HSPBP1: variants seen among roughly 807,000 people sequenced by gnomAD.
HSPBP1 encodes the protein HSPA (Hsp70) binding protein 1, also known as hsp70-binding protein 1.
Under a neutral mutation model 41.7 loss-of-function variants are expected in HSPBP1, and 31 were observed. The observed-to-expected ratio is 0.74, with a 90% CI of 0.56 to 1.00. HSPBP1 has a LOEUF of 1.00. Ranked by LOEUF, HSPBP1 falls within the 50% of genes least tolerant of loss-of-function variation. The pLI is 0.00. For synonymous variants in HSPBP1, 199 were observed against 214.4 expected (o/e 0.93, Z 0.63); for missense variants, 439 against 487.9 (o/e 0.90, Z 0.94).
At chr19:55,275,338 C>T (rs747740043) in intron 3 of HSPBP1, among the ~76,000 whole-genome samples, 29 of 152,134 alleles carry the variant, frequency 1.9e-4, no homozygotes, top group Non-Finnish European at 3.4e-4. Context: ...CCAGCAATTC[C>T]GCACCAAGGC....
intron 4 of HSPBP1, among the ~76,000 whole-genome samples, chr19:55,271,214 G>T (rs115458862): frequency 0.01 from 1,571 of 151,900 alleles, 19 homozygotes; most frequent in African/African-American, 0.03. Context: ...AATATGTAAT[G>T]ACTTTTTTTT....
At chr19:55,271,172 T>G (rs1388119124) in intron 4 of HSPBP1, among the ~76,000 whole-genome samples, 2 of 152,048 alleles carry the variant, frequency 1.3e-5, no homozygotes, top group African/African-American at 2.4e-5. Context: ...TTGTACCTGG[T>G]GAACGATGTG....
chr19:55,265,210 C>G, intron 7 of HSPBP1, 68 bp downstream of exon 7: 1 of 1,030,796 alleles, frequency 9.7e-7, no homozygotes, highest in Non-Finnish European at 1.4e-6. Flanking sequence ...ACACCTAGTC[C>G]TCCTGGAGCC....
rs67113555 is a variant in HSPBP1 at position 55,270,456 on chromosome 19, A to T, written c.640+3942T>A. Among the ~76,000 whole-genome samples the T allele has an allele frequency of 0.26, 39,026 of 152,008 alleles. 5,252 individuals carry two copies. The highest frequency in any genetic ancestry group is 0.32 in the Middle Eastern group (93 of 294). On this transcript the variant is annotated intron_variant, in intron 4 of 7. Coordinates refer to ENST00000433386, the MANE Select transcript of HSPBP1 (RefSeq NM_012267.5). The surrounding 1 kb of genome is among the most constrained non-coding windows in gnomAD (Gnocchi z 5.4). ...GAGGCCCGGCTGACGGCTGACCACA[A>T]CCTCATGCAACCTCATGCAACCTCA...
At chr19:55,273,125 A>C (rs1250007428) in intron 4 of HSPBP1, among the ~76,000 whole-genome samples, 1 of 152,044 alleles carries the variant, frequency 6.6e-6, no homozygotes, top group Non-Finnish European at 1.5e-5. Context: ...GAGTAGATGG[A>C]GGTACAGTCA....
chr19:55,277,925 CAACAA>C, intron 2 of HSPBP1, 79 bp from the exon 3 acceptor site: 6 of 1,190,620 alleles, frequency 5.0e-6, no homozygotes, highest in Non-Finnish European at 6.9e-6. Flanking sequence ...TAAAGACAGC[CAACAA>C]CTGAGGGCTG....
chr19:55,266,332 CACT>C (rs1208787467), intron 4 of HSPBP1, 46 bp from the exon 5 acceptor site: 5 of 1,521,910 alleles, frequency 3.3e-6, no homozygotes, highest in Non-Finnish European at 4.4e-6. Context: ...CCACCACCAC[CACT>C]GTCATCACAA....
chr19:55,279,379 C>T lies in HSPBP1; in HGVS notation c.210+20G>A, dbSNP rs766234547. ...GTCCCCAGGCCCCTCACCCCAGCTT[C>T]TTGGGTCCCCATCCTTTACCTCCTC... On this transcript the variant is annotated intron_variant, in intron 2 of 7. Coordinates refer to ENST00000433386, the MANE Select transcript of HSPBP1 (RefSeq NM_012267.5). 7.0e-6 allele frequency: 11 copies of T among 1,576,744 alleles called. No individual in the cohort carries two copies. In the South Asian group the frequency reaches 1.1e-4, roughly 15 times the overall value.
chr19:55,265,828 C>T, intron 6 of HSPBP1, 58 bp downstream of exon 6: 1 of 1,177,212 alleles, frequency 8.5e-7, no homozygotes, highest in Non-Finnish European at 1.2e-6. Flanking sequence ...GAGCCACCCC[C>T]ACCTTGAGAG....
At position 55,272,838 on chromosome 19, in the gene HSPBP1, CA is replaced by C. The variant is rs5828616; in HGVS notation, c.640+1559del. On this transcript the variant is annotated intron_variant, in intron 4 of 7. Coordinates refer to ENST00000433386, the MANE Select transcript of HSPBP1 (RefSeq NM_012267.5). The surrounding 1 kb of genome is among the most constrained non-coding windows in gnomAD (Gnocchi z 4.2). ...GGGTGACAAGAGCGAGACTCTGTCT[CA>C]AAAAAAAAAAAAAGAAAGAAAAGAA... is the stretch of plus-strand genomic sequence containing the variant. 0.62 allele frequency among the ~76,000 whole-genome samples: 82,556 copies of C among 133,470 alleles called. 23,888 individuals are homozygous for C. Among genetic ancestry groups the C allele is most frequent in the Middle Eastern group, 0.7 (190 of 272 alleles). 87.6% of individuals were successfully genotyped at this position (133,470 alleles called of 152,430 possible).
At chr19:55,265,152 C>CCCCT (rs905987407) in intron 7 of HSPBP1, 126 bp downstream of exon 7, 1 of 388,550 alleles carries the variant, frequency 2.6e-6, no homozygotes, top group Non-Finnish European at 4.9e-6. Context: ...GAGCCCCTGT[C>CCCCT]CCCTCCCCCT....
At chr19:55,276,189 A>C (rs1206379223) in intron 3 of HSPBP1, among the ~76,000 whole-genome samples, 1 of 151,470 alleles carries the variant, frequency 6.6e-6, no homozygotes, top group East Asian at 2.0e-4. Flanking sequence ...TCAGCCAGAC[A>C]CAAAAGGTCA....
chr19:55,279,459 C>T lies in HSPBP1; in HGVS notation c.150G>A (p.Gln50=), dbSNP rs778476707. ...CTTCAGAGCCCGCGGTGATGGCCAT[C>T]TGCAGCAAGCCTTGGAGGTTGCGTG... The part of the protein sequence containing the change: ...RPPRNLQGLL[Q]MAITAGSEEP... The change falls in exon 2 of 8, where the codon CAG becomes CAA. Residue 50 remains glutamine (Q), a synonymous_variant. Coordinates refer to ENST00000433386, the MANE Select transcript of HSPBP1 (RefSeq NM_012267.5). The T allele has an allele frequency of 8.7e-6, 14 of 1,605,408 alleles. No individual in the cohort carries two copies. The Admixed American group carries it at 8.9e-5, about 10-fold the overall frequency.
rs1222737192 is a variant in HSPBP1 at position 55,268,259 on chromosome 19, C to T, written c.641-1973G>A. ...CAGCCTGACCAACATGGTGAAACCC[C>T]GTCTCTACTAAAAATACAAAATTAG... is the stretch of plus-strand genomic sequence containing the variant. On this transcript the variant is annotated intron_variant, in intron 4 of 7. Transcript: ENST00000433386. This position sits in a 1 kb window ranked among gnomAD's most constrained non-coding sequence, Gnocchi z 4.5. Among the ~76,000 whole-genome samples, 1 of 151,828 alleles carries T rather than the reference C, an allele frequency of 6.6e-6. No individual in the cohort carries two copies. The highest frequency in any genetic ancestry group is 2.4e-5 in the African/African-American group (1 of 41,308).
intron 4 of HSPBP1, 53 bp downstream of exon 4, chr19:55,274,345 G>GACCCCCCCCCCCCCCCCCCCCCCCCCC: frequency 3.6e-6 from 2 of 552,678 alleles, no homozygotes; most frequent in East Asian, 3.7e-5. Flanking sequence ...GGCCCACCCG[G>GACCCCCCCCCCCCCCCCCCCCCCCCCC]CACCCCCCCC....
chr19:55,264,605 T>G (rs921617124), intron 7 of HSPBP1, among the ~76,000 whole-genome samples: 8 of 151,920 alleles, frequency 5.3e-5, no homozygotes, highest in African/African-American at 1.5e-4. Context: ...TTCTTGTCAA[T>G]TTAATGAAAT....
intron 4 of HSPBP1, among the ~76,000 whole-genome samples, chr19:55,271,994 G>A (rs2087934569): frequency 2.0e-5 from 3 of 152,058 alleles, no homozygotes; most frequent in Non-Finnish European, 2.9e-5. Flanking sequence ...CCTGGGAGGT[G>A]GAGGTTGCAG....
rs1600125621 is a variant in HSPBP1 at position 55,262,427 on chromosome 19, G to A, written c.*181C>T. ...GGATGAGAGTGAGAGCATGGGAGGT[G>A]GGGTCCAAGGAGCTGGTGCCTTTCT... On this transcript the variant is annotated 3_prime_UTR_variant, in exon 8 of 8. Transcript: ENST00000433386. 1 of 1,416,212 alleles carries A rather than the reference G, an allele frequency of 7.1e-7. No individual in the cohort carries two copies. The highest frequency in any genetic ancestry group is 2.6e-5 in the East Asian group (1 of 39,002). The allele number at this position is 1,416,212 out of a possible 1,614,324, so 87.7% of individuals were successfully genotyped here.
chr19:55,274,567 C>T lies in HSPBP1; in HGVS notation c.471G>A (p.Gly157=), dbSNP rs1418005694. The change falls in exon 4 of 8, where the codon GGG becomes GGA. Residue 157 remains glycine, a synonymous_variant. Coordinates refer to ENST00000433386, the MANE Select transcript of HSPBP1 (RefSeq NM_012267.5). ...HLLVGRYLEA[G]AAGLRWRAAQ... ...CCGCCCGCCACCGCAGTCCCGCAGC[C>T]CCCGCCTCCAGGTACCGGCCCACCA... The T allele has an allele frequency of 6.2e-7, 1 of 1,609,054 alleles. No individual in the cohort carries two copies. Among genetic ancestry groups the T allele is most frequent in the South Asian group, 1.1e-5 (1 of 90,974 alleles).
Sources: allele counts gnomAD v4.1 joint callset (sites outside exome capture counted in the v4.1 genomes callset), GRCh38; gene constraint gnomAD v4.1.1; non-coding constraint Gnocchi (gnomAD v3.1); transcripts MANE v1.5; gene names NCBI Gene and HGNC (gene_info 2026-07-23, HGNC 2026-07-21).